Variants in CYTH3 observed in about 807,000 individuals in gnomAD.
CYTH3 encodes the protein cytohesin-3.
CYTH3 carries 23 observed loss-of-function variants against 55.1 expected under a neutral mutation model. The ratio of observed to expected loss-of-function variants is 0.42; its 90% CI spans 0.30 to 0.59. CYTH3 has a LOEUF of 0.59. Ranked by LOEUF, CYTH3 falls within the 20% of genes least tolerant of loss-of-function variation. CYTH3 has a pLI of 0.20. For missense variants in CYTH3, 413 were observed against 524.8 expected (o/e 0.79, Z 2.08); for synonymous variants, 249 against 194.9 (o/e 1.28, Z -2.31).
chr7:6,190,417 T>C (rs1783772002), intron 2 of CYTH3, 32 bp downstream of exon 2: 1 of 1,440,010 alleles, frequency 6.9e-7, no homozygotes, highest in Non-Finnish European at 9.1e-7. Context: ...AAACAGAGTT[T>C]TGGATTTTTG....
intron 1 of CYTH3, among the ~76,000 whole-genome samples, chr7:6,208,918 C>T (rs1465008551): frequency 1.3e-5 from 2 of 152,200 alleles, no homozygotes. Flanking sequence ...AAATAGAGTT[C>T]CTAGACCCTA....
At chr7:6,220,807 G>A (rs1784534000) in intron 1 of CYTH3, among the ~76,000 whole-genome samples, 1 of 152,124 alleles carries the variant, frequency 6.6e-6, no homozygotes, top group Middle Eastern at 3.4e-3. Context: ...ACCAGCCTGG[G>A]CAACACGGTG....
At chr7:6,268,091 GCAT>G (rs140622569) in intron 1 of CYTH3, among the ~76,000 whole-genome samples, 2,713 of 152,234 alleles carry the variant, frequency 0.018, 63 homozygotes, top group African/African-American at 0.045. Flanking sequence ...GAATCTGCAT[GCAT>G]CAGCCATTAC....
intron 1 of CYTH3, among the ~76,000 whole-genome samples, chr7:6,270,720 GGTTT>G (rs1406570354): frequency 6.6e-6 from 1 of 151,912 alleles, no homozygotes; most frequent in Non-Finnish European, 1.5e-5. Flanking sequence ...ATACGTGAGG[GGTTT>G]ATTTCAAGGT....
intron 5 of CYTH3, among the ~76,000 whole-genome samples, chr7:6,177,132 T>C (rs1451713682): frequency 6.6e-6 from 1 of 152,254 alleles, no homozygotes; most frequent in East Asian, 1.9e-4. Flanking sequence ...TGCCATTTTC[T>C]AGCGGTGTCT....
intron 1 of CYTH3, among the ~76,000 whole-genome samples, chr7:6,194,751 C>T (rs917046860): frequency 3.3e-5 from 5 of 152,246 alleles, no homozygotes; most frequent in East Asian, 1.9e-4. Context: ...CCAAGGCAGG[C>T]GGATCATGAC....
In CYTH3 at chr7:6,177,834, G is replaced by A. The variant is rs1250561542; in HGVS notation, c.357C>T (p.Tyr119=). 4.3e-6 allele frequency: 7 copies of A among 1,613,606 alleles called. No individual in the cohort carries two copies. The South Asian group carries it at 7.7e-5, about 18-fold the overall frequency. ...EGLNKTVIGD[Y]LGERDEFNIK... ...CTCCTCTAACTCACCTTTCACCCAG[G>A]TAGTCCCCAATGACGGTCTTATTTA... The change falls in exon 5 of 13, where the codon TAC becomes TAT. Residue 119 remains tyrosine (Y), a synonymous_variant. Transcript: ENST00000350796.
At chr7:6,249,584 C>A (rs1779907601) in intron 1 of CYTH3, among the ~76,000 whole-genome samples, 1 of 152,232 alleles carries the variant, frequency 6.6e-6, no homozygotes, top group African/African-American at 2.4e-5. Flanking sequence ...AGGGGCTGCC[C>A]AGAAGCTGCT....
intron 1 of CYTH3, among the ~76,000 whole-genome samples, chr7:6,223,525 A>G (rs1779145557): frequency 6.6e-6 from 1 of 152,172 alleles, no homozygotes; most frequent in Non-Finnish European, 1.5e-5. Flanking sequence ...GTTAATCTAT[A>G]ACCTTACCCC....
intron 4 of CYTH3, among the ~76,000 whole-genome samples, chr7:6,185,801 C>T (rs941979631): frequency 5.9e-5 from 9 of 152,048 alleles, no homozygotes; most frequent in African/African-American, 2.2e-4. Flanking sequence ...CTGTAAATAT[C>T]ACCTGCAACT....
intron 1 of CYTH3, among the ~76,000 whole-genome samples, chr7:6,244,773 T>C (rs1370308144): frequency 6.6e-6 from 1 of 151,900 alleles, no homozygotes; most frequent in Admixed American, 6.6e-5. Context: ...AAAGACTGGA[T>C]TATCTTTAGT....
intron 1 of CYTH3, among the ~76,000 whole-genome samples, chr7:6,192,371 C>T (rs553666657): frequency 6.3e-4 from 96 of 151,574 alleles, no homozygotes; most frequent in African/African-American, 1.7e-3. Flanking sequence ...ACATGCGCCA[C>T]CATGTCTGGC....
At chr7:6,193,899 G>A (rs1023786565) in intron 1 of CYTH3, among the ~76,000 whole-genome samples, 9 of 152,094 alleles carry the variant, frequency 5.9e-5, no homozygotes, top group African/African-American at 1.9e-4. Context: ...CTCCCCGACT[G>A]CAGGCCACGG....
At chr7:6,187,636 G>T (rs772937887) in intron 3 of CYTH3, 21 bp downstream of exon 3, 13 of 1,600,124 alleles carry the variant, frequency 8.1e-6, no homozygotes, top group Non-Finnish European at 1.0e-5. Context: ...ATAGCTTAAA[G>T]GTGTAGCCAC....
intron 1 of CYTH3, among the ~76,000 whole-genome samples, chr7:6,218,504 T>A (rs1310209221): frequency 4.6e-5 from 7 of 152,310 alleles, no homozygotes; most frequent in Middle Eastern, 3.4e-3. Flanking sequence ...CAAGAATAAA[T>A]GTGTGCTATT....
chr7:6,265,764 G>GT (rs1203086298), intron 1 of CYTH3, among the ~76,000 whole-genome samples: 2 of 152,100 alleles, frequency 1.3e-5, no homozygotes, highest in Admixed American at 1.3e-4. Context: ...CATGACCTGC[G>GT]TGTCAAAGGG....
chr7:6,255,047 C>G (rs1024976394), intron 1 of CYTH3, among the ~76,000 whole-genome samples: 1 of 152,224 alleles, frequency 6.6e-6, no homozygotes, highest in African/African-American at 2.4e-5. Context: ...AGAGGCTTAA[C>G]ACACTGATGA....
chr7:6,248,518 C>T (rs905331166), intron 1 of CYTH3, among the ~76,000 whole-genome samples: 2 of 152,150 alleles, frequency 1.3e-5, no homozygotes, highest in African/African-American at 4.8e-5. Context: ...GGGTGGGATG[C>T]CACCCAATGC....
At chr7:6,195,475 G>T (rs113359034) in intron 1 of CYTH3, among the ~76,000 whole-genome samples, 206 of 151,792 alleles carry the variant, frequency 1.4e-3, no homozygotes, top group African/African-American at 4.6e-3. Context: ...ATTTTTTTGA[G>T]ACGGCGTCTC....
Sources: gnomAD v4.1 joint callset for allele counts (sites outside exome capture counted in the v4.1 genomes callset) on GRCh38, gnomAD v4.1.1 for gene constraint, MANE v1.5 for transcripts, NCBI Gene and HGNC (gene_info 2026-07-23, HGNC 2026-07-21) for gene names.